Variants in NAALADL2 observed in about 807,000 individuals in gnomAD.
NAALADL2 encodes inactive N-acetylated-alpha-linked acidic dipeptidase-like protein 2.
NAALADL2 carries 76 observed loss-of-function variants against 87.2 expected under a neutral mutation model. That is an observed-to-expected ratio of 0.87 (90% CI 0.72 to 1.05). The LOEUF (loss-of-function observed/expected upper bound fraction) is 1.05. NAALADL2 is among the 50% of genes least tolerant of loss of function. The probability of loss-of-function intolerance (pLI) is 0.00; values close to 1 mark genes in which losing one functional copy is unlikely to be tolerated. For missense variants in NAALADL2, 1,089 were observed against 945.8 expected (o/e 1.15, Z -1.99); for synonymous variants, 354 against 331.0 (o/e 1.07, Z -0.75).
chr3:174,583,883 C>T (rs1045214803), intron 2 of NAALADL2, among the ~76,000 whole-genome samples: 2 of 152,140 alleles, frequency 1.3e-5, no homozygotes, highest in African/African-American at 4.8e-5. Flanking sequence ...GGACTCATCA[C>T]AAGAACCACA....
At chr3:174,531,521 A>C (rs1425499291) in intron 1 of NAALADL2, among the ~76,000 whole-genome samples, 2 of 152,202 alleles carry the variant, frequency 1.3e-5, no homozygotes, top group African/African-American at 4.8e-5. Flanking sequence ...TATCAGGAGC[A>C]AAGTTCACTG....
chr3:174,443,104 A>T (rs1355639278), intron 1 of NAALADL2, among the ~76,000 whole-genome samples: 1 of 152,200 alleles, frequency 6.6e-6, no homozygotes, highest in Non-Finnish European at 1.5e-5. Context: ...CTTTACTTGA[A>T]GCCATTTGGA....
Position 175,241,939 on chromosome 3 carries a change from G to A in NAALADL2, c.819+7735G>A, listed in dbSNP as rs1746990482. Among the ~76,000 whole-genome samples the A allele has an allele frequency of 4.3e-5, 6 of 138,756 alleles. No individual in the cohort carries two copies. The South Asian group carries it at 1.4e-3, about 32-fold the overall frequency. 91.0% of individuals were successfully genotyped at this position (138,756 alleles called of 152,430 possible). The stretch of plus-strand genomic sequence containing the variant: ...TGCAGTGGGGAGGTCTTGGCTCACT[G>A]CAACCTCTGCCTCCTGGGTTCATGT... On this transcript the variant is annotated intron_variant, in intron 3 of 13. Coordinates refer to ENST00000454872, the MANE Select transcript of NAALADL2 (RefSeq NM_207015.3).
intron 2 of NAALADL2, among the ~76,000 whole-genome samples, chr3:174,637,203 A>G (rs1327316168): frequency 6.6e-6 from 1 of 152,024 alleles, no homozygotes; most frequent in Non-Finnish European, 1.5e-5. Flanking sequence ...ATAAGAAGAG[A>G]TTGATTATGG....
chr3:175,669,099 A>G (rs1317523306), intron 11 of NAALADL2, among the ~76,000 whole-genome samples: 1 of 152,114 alleles, frequency 6.6e-6, no homozygotes, highest in Admixed American at 6.6e-5. Flanking sequence ...GTACCAAAGC[A>G]TATCTATTGT....
chr3:175,471,618 CTTT>C lies in NAALADL2; in HGVS notation c.1534-13_1534-11del. The C allele has an allele frequency of 8.1e-7, 1 of 1,241,426 alleles. No individual in the cohort carries two copies. The highest frequency in any genetic ancestry group is 1.2e-6 in the Non-Finnish European group (1 of 868,938). 76.9% of individuals were successfully genotyped at this position (1,241,426 alleles called of 1,614,324 possible). On this transcript the variant is annotated intron_variant, in intron 8 of 13. Coordinates refer to ENST00000454872, the MANE Select transcript of NAALADL2 (RefSeq NM_207015.3). ...TATTTATTTGTCTTACAGATAGATC[CTTT>C]TTTTTTTGTTATTTCAGGATTTCAA...
intron 3 of NAALADL2, among the ~76,000 whole-genome samples, chr3:174,811,205 T>C (rs73051869): frequency 0.023 from 3,530 of 152,156 alleles, 122 homozygotes; most frequent in African/African-American, 0.081. Context: ...CCCCCACACA[T>C]TGGGGCATTG....
intron 9 of NAALADL2, among the ~76,000 whole-genome samples, chr3:175,492,466 A>G (rs1316350548): frequency 1.3e-5 from 2 of 152,212 alleles, no homozygotes; most frequent in Admixed American, 1.3e-4. Context: ...AGGTAAGATG[A>G]TAAGTGCCAT....
intron 3 of NAALADL2, among the ~76,000 whole-genome samples, chr3:175,244,353 G>C (rs1747558529): frequency 1.3e-5 from 2 of 152,126 alleles, no homozygotes; most frequent in Admixed American, 1.3e-4. Context: ...TTGAGAAACA[G>C]TAGTCTAGAT....
chr3:175,720,956 A>C (rs1561033403), intron 11 of NAALADL2, among the ~76,000 whole-genome samples: 2 of 152,148 alleles, frequency 1.3e-5, no homozygotes, highest in South Asian at 4.1e-4. Context: ...CTGTTATGAT[A>C]ATGCAAGGAT....
At chr3:175,070,086 A>G (rs1458627172) in intron 1 of NAALADL2, among the ~76,000 whole-genome samples, 1 of 150,606 alleles carries the variant, frequency 6.6e-6, no homozygotes, top group South Asian at 2.1e-4. Context: ...TGGGTGCAGC[A>G]CACCAGCATG....
rs1754748310 is a variant in NAALADL2, at chr3:175,806,794, T to A, written c.*3591T>A. The A allele has an allele frequency of 6.7e-6, 1 of 150,076 alleles. No homozygotes were observed. The highest frequency in any genetic ancestry group is 6.7e-5 in the Admixed American group (1 of 14,894). 9.3% of individuals were successfully genotyped at this position (150,076 alleles called of 1,614,324 possible). On this transcript the variant is annotated 3_prime_UTR_variant, in exon 14 of 14. Coordinates refer to ENST00000454872, the MANE Select transcript of NAALADL2 (RefSeq NM_207015.3). ...ACAGTTCCAAAGCTAATAAAAATGA[T>A]GAGGCATATTTCTCTTCTGGGCCCA...
At chr3:175,101,442 A>G (rs1404046851) in intron 2 of NAALADL2, among the ~76,000 whole-genome samples, 1 of 152,200 alleles carries the variant, frequency 6.6e-6, no homozygotes, top group Non-Finnish European at 1.5e-5. Context: ...AAGCTCTTTA[A>G]CTTAGAAGAA....
chr3:175,064,996 C>T (rs564668878), intron 1 of NAALADL2, among the ~76,000 whole-genome samples: 39 of 151,744 alleles, frequency 2.6e-4, no homozygotes, highest in African/African-American at 3.9e-4. Flanking sequence ...AATTCATTTT[C>T]GACAATTACA....
chr3:174,573,757 C>G (rs76383581), intron 2 of NAALADL2, among the ~76,000 whole-genome samples: 2,548 of 152,242 alleles, frequency 0.017, 84 homozygotes, highest in African/African-American at 0.057. Context: ...AACTCACTCA[C>G]ACTCATGAGA....
chr3:175,484,015 A>G (rs16825802), intron 9 of NAALADL2, among the ~76,000 whole-genome samples: 9,379 of 152,092 alleles, frequency 0.062, 979 homozygotes, highest in African/African-American at 0.21. Flanking sequence ...ACAGATAACT[A>G]AAGAGCAACA....
chr3:174,863,765 T>C, intron 1 of NAALADL2: 1 of 210,730 alleles, frequency 4.7e-6, no homozygotes, highest in Non-Finnish European at 9.6e-6. Flanking sequence ...TTGAAATCTT[T>C]GTGATGCCAC....
intron 2 of NAALADL2, among the ~76,000 whole-genome samples, chr3:175,175,214 T>C (rs1422568307): frequency 1.3e-5 from 2 of 152,100 alleles, no homozygotes; most frequent in African/African-American, 4.8e-5. Flanking sequence ...GATCATGCTT[T>C]GTAAATACTT....
chr3:175,245,279 T>C (rs1747758475), intron 3 of NAALADL2, among the ~76,000 whole-genome samples: 1 of 152,234 alleles, frequency 6.6e-6, no homozygotes, highest in Non-Finnish European at 1.5e-5. Context: ...TATTAAATTC[T>C]GGAAAATGTT....
Sources: allele counts gnomAD v4.1 joint callset (sites outside exome capture counted in the v4.1 genomes callset), GRCh38; gene constraint gnomAD v4.1.1; transcripts MANE v1.5; gene names NCBI Gene and HGNC (gene_info 2026-07-23, HGNC 2026-07-21).